ASAP1: variants seen among roughly 807,000 people sequenced by gnomAD.
ASAP1 encodes the protein arf-GAP with SH3 domain, ANK repeat and PH domain-containing protein 1.
ASAP1 carries 43 observed loss-of-function variants against 145.2 expected under a neutral mutation model. The observed-to-expected ratio is 0.30, with a 90% CI of 0.23 to 0.38. The LOEUF (loss-of-function observed/expected upper bound fraction) is 0.38. ASAP1 is among the 10% of genes least tolerant of loss of function. The pLI, the probability that ASAP1 is intolerant of heterozygous loss-of-function variation, is 1.00. For synonymous variants in ASAP1, 546 were observed against 515.5 expected, an observed-to-expected ratio of 1.06 and a Z score of -0.80; for missense variants, 1,018 against 1,355.3, an observed-to-expected ratio of 0.75 and a Z score of 3.91.
At chr8:130,247,057 CAT>C (rs1268375794) in intron 3 of ASAP1, 1 of 152,188 alleles carries the variant, frequency 6.6e-6, no homozygotes, top group African/African-American at 2.4e-5. Context: ...GCTTTGAGGT[CAT>C]AGAGACCTGT....
At chr8:130,242,472 C>G (rs2136735113) in intron 3 of ASAP1, among the ~76,000 whole-genome samples, 1 of 151,988 alleles carries the variant, frequency 6.6e-6, no homozygotes, top group South Asian at 2.1e-4. Context: ...GCTACTTTGG[C>G]CTAATTTTGG....
intron 15 of ASAP1, 125 bp downstream of exon 15, chr8:130,134,171 G>T: frequency 1.6e-6 from 1 of 634,140 alleles, no homozygotes. Context: ...GCCCACAGGC[G>T]GGAAAGAAGC....
chr8:130,316,361 T>G (rs975100212), intron 3 of ASAP1, among the ~76,000 whole-genome samples: 2 of 152,222 alleles, frequency 1.3e-5, no homozygotes, highest in Non-Finnish European at 2.9e-5. Flanking sequence ...AAGCTTTATC[T>G]CTTTTCTACT....
At chr8:130,148,339 T>C (rs1468759746) in intron 13 of ASAP1, among the ~76,000 whole-genome samples, 1 of 152,244 alleles carries the variant, frequency 6.6e-6, no homozygotes, top group Non-Finnish European at 1.5e-5. Context: ...GAGCTTCATC[T>C]ATAAAATGCA....
Position 130,361,549 on chromosome 8 carries a change from T to TC in ASAP1, c.60-3407dup, listed in dbSNP as rs1826708590. 2.7e-5 allele frequency: 20 copies of TC among 749,598 alleles called. No individual in the cohort carries two copies. The South Asian group carries it at 2.8e-4, about 11-fold the overall frequency. 46.4% of individuals were successfully genotyped at this position (749,598 alleles called of 1,614,324 possible). On this transcript the variant is annotated intron_variant, in intron 2 of 29. Transcript: ENST00000518721. ...GAAGATTATGTTATGTATCTGCTCC[T>TC]CCCCCATCTCCTTTGGCCAAGAAAG...
chr8:130,137,813 G>A (rs180907317), intron 13 of ASAP1, among the ~76,000 whole-genome samples: 4 of 152,188 alleles, frequency 2.6e-5, no homozygotes, highest in East Asian at 1.9e-4. Flanking sequence ...GTCTCACCAC[G>A]TATTCACACT....
At chr8:130,072,824 T>TGTGTGTGTGTGCGCGCGCGC in intron 27 of ASAP1, among the ~76,000 whole-genome samples, 12 of 32,302 alleles carry the variant, frequency 3.7e-4, no homozygotes, top group South Asian at 1.7e-3. Context: ...TGTGTGTGTG[T>TGTGTGTGTGTGCGCGCGCGC]GCGCGCGGGG....
chr8:130,240,702 G>T (rs1274157220), intron 3 of ASAP1, among the ~76,000 whole-genome samples: 1 of 152,142 alleles, frequency 6.6e-6, no homozygotes, highest in Non-Finnish European at 1.5e-5. Context: ...GAATACAGGA[G>T]AATGTAAAGT....
At chr8:130,127,335 T>A (rs2097576530) in intron 16 of ASAP1, among the ~76,000 whole-genome samples, 1 of 152,072 alleles carries the variant, frequency 6.6e-6, no homozygotes, top group South Asian at 2.1e-4. Context: ...TTCTGCCTTA[T>A]CCTCCCAAGT....
At chr8:130,075,122 A>G (rs542222937) in intron 27 of ASAP1, among the ~76,000 whole-genome samples, 136 of 152,302 alleles carry the variant, frequency 8.9e-4, no homozygotes, top group African/African-American at 3.2e-3. Flanking sequence ...GCGATCTAGG[A>G]CGGAATCTGG....
At chr8:130,141,623 T>C (rs903953039) in intron 13 of ASAP1, among the ~76,000 whole-genome samples, 3 of 152,188 alleles carry the variant, frequency 2.0e-5, no homozygotes, top group African/African-American at 7.2e-5. Context: ...TCATGGCTCA[T>C]GGCAGCCTTG....
chr8:130,373,135 C>G (rs1001134395), intron 2 of ASAP1, among the ~76,000 whole-genome samples: 4 of 149,958 alleles, frequency 2.7e-5, no homozygotes, highest in African/African-American at 9.8e-5. Flanking sequence ...CACACACACA[C>G]ACACACACAC....
intron 2 of ASAP1, among the ~76,000 whole-genome samples, chr8:130,376,116 T>A (rs971952099): frequency 1.3e-5 from 2 of 152,202 alleles, no homozygotes; most frequent in Non-Finnish European, 2.9e-5. Flanking sequence ...CTACAGTAAT[T>A]CAGGTTGTTT....
intron 7 of ASAP1, among the ~76,000 whole-genome samples, chr8:130,182,919 T>TG (rs1814465061): frequency 7.3e-6 from 1 of 137,868 alleles, no homozygotes; most frequent in South Asian, 2.3e-4. Flanking sequence ...ACTGAAACAG[T>TG]GGGGAAAAAA....
At chr8:130,307,481 T>G (rs1823063253) in intron 3 of ASAP1, among the ~76,000 whole-genome samples, 1 of 152,166 alleles carries the variant, frequency 6.6e-6, no homozygotes, top group South Asian at 2.1e-4. Context: ...CCTCCTCCAG[T>G]GATTCAAATG....
rs141588153 is a variant in ASAP1, at chr8:130,227,261, GT to G, written c.259+9660del. Among the ~76,000 whole-genome samples, 178 of 150,956 alleles carry G rather than the reference GT, an allele frequency of 1.2e-3. 2 individuals carry two copies. The highest frequency in any genetic ancestry group is 7.8e-4 in the East Asian group (4 of 5,150). On this transcript the variant is annotated intron_variant, in intron 4 of 29. Transcript: ENST00000518721. ...ACCCTCTGAACACTATTTTTTTGTGGTTTTTTTTTGAGACAGGATCTCACTC... is the reference window on the plus strand; with the variant it reads ...ACCCTCTGAACACTATTTTTTTGTGGTTTTTTTTGAGACAGGATCTCACTC...
chr8:130,109,050 T>C (rs543674861), intron 24 of ASAP1, among the ~76,000 whole-genome samples: 103 of 152,242 alleles, frequency 6.8e-4, no homozygotes, highest in Middle Eastern at 3.4e-3. Flanking sequence ...GTTGGGATTA[T>C]AGGCGTAAGC....
intron 1 of ASAP1, among the ~76,000 whole-genome samples, chr8:130,411,480 C>T (rs942802062): frequency 1.3e-5 from 2 of 152,160 alleles, no homozygotes; most frequent in East Asian, 1.9e-4. Context: ...ACATGCTATT[C>T]GTTGGCTCCT....
At chr8:130,272,071 A>G (rs1030020814) in intron 3 of ASAP1, among the ~76,000 whole-genome samples, 4 of 152,146 alleles carry the variant, frequency 2.6e-5, no homozygotes, top group African/African-American at 9.7e-5. Flanking sequence ...AGGCTGAGAC[A>G]GGAGGATTGC....
Sources: allele counts gnomAD v4.1 joint callset (sites outside exome capture counted in the v4.1 genomes callset), GRCh38; gene constraint gnomAD v4.1.1; transcripts MANE v1.5; gene names NCBI Gene and HGNC (gene_info 2026-07-23, HGNC 2026-07-21).